Variants in TRIOBP observed in about 807,000 individuals in gnomAD.
TRIOBP encodes TRIO and F-actin-binding protein.
TRIOBP carries 169 observed loss-of-function variants against 238.8 expected under a neutral mutation model. The ratio of observed to expected loss-of-function variants is 0.71; its 90% CI spans 0.62 to 0.80. TRIOBP has a LOEUF of 0.80. Ranked by LOEUF, TRIOBP falls within the 30% of genes least tolerant of loss-of-function variation. The probability of loss-of-function intolerance (pLI) is 0.00; values close to 1 mark genes in which losing one functional copy is unlikely to be tolerated. For synonymous variants in TRIOBP, 1,150 were observed against 1,274.4 expected, an observed-to-expected ratio of 0.90 and a Z score of 2.08; for missense variants, 2,838 against 3,122.6, an observed-to-expected ratio of 0.91 and a Z score of 2.17.
At chr22:37,732,391 A>G (rs1274616691) in intron 7 of TRIOBP, among the ~76,000 whole-genome samples, 1 of 151,502 alleles carries the variant, frequency 6.6e-6, no homozygotes, top group Non-Finnish European at 1.5e-5. Flanking sequence ...CATGCCTGTA[A>G]TCCCAGCTAC....
In TRIOBP at chr22:37,774,273, T is replaced by G. The variant is rs887862474; in HGVS notation, c.*493T>G. On this transcript the variant is annotated 3_prime_UTR_variant, in exon 24 of 24. Transcript: ENST00000644935. ...CCCAGGCAGCAGCCATGGCGGGGTG[T>G]CTCTACAGGGGAGAGGCGGGAGCCT... is the stretch of plus-strand genomic sequence containing the variant. 6.6e-6 allele frequency: 1 copy of G among 152,240 alleles called. No homozygotes were observed. Among genetic ancestry groups the G allele is most frequent in the African/African-American group, 2.4e-5 (1 of 41,362 alleles). The allele number at this position is 152,240 out of a possible 1,614,324, so 9.4% of individuals were successfully genotyped here.
In TRIOBP at chr22:37,771,795, C is replaced by T. The variant is rs750968316; in HGVS notation, c.6936+59C>T. On this transcript the variant is annotated intron_variant, in intron 22 of 23. Transcript: ENST00000644935. ...GACTCTGGAGCCATCTGGATGCCATCCTGTGAGCACCTGCTCTGTGCCAAG... is the reference window on the plus strand; with the variant it reads ...GACTCTGGAGCCATCTGGATGCCATTCTGTGAGCACCTGCTCTGTGCCAAG... 4.7e-5 allele frequency: 68 copies of T among 1,445,646 alleles called. No homozygotes were observed. The African/African-American group carries it at 8.1e-4, about 17-fold the overall frequency. 89.6% of individuals were successfully genotyped at this position (1,445,646 alleles called of 1,614,324 possible). A position where few individuals can be genotyped will look rare whatever the true frequency, so the allele number is the denominator to read the frequency against.
chr22:37,715,821 T>G lies in TRIOBP; in HGVS notation c.515T>G (p.Val172Gly). The G allele has an allele frequency of 6.2e-7, 1 of 1,613,924 alleles. No individual in the cohort carries two copies. The highest frequency in any genetic ancestry group is 8.5e-7 in the Non-Finnish European group (1 of 1,179,954). The change falls in exon 6 of 24, where the codon GTG becomes GGG. Residue 172 changes from valine (V) to glycine (G), a missense_variant. Physicochemically the swap from Val to Gly is moderately radical, Grantham distance 109. Around this residue, in one of 5 missense-constraint regions of TRIOBP, gnomAD observed 535 missense variants for 537.3 expected, o/e 1.00. Coordinates refer to ENST00000644935, the MANE Select transcript of TRIOBP (RefSeq NM_001039141.3). ...EEAPSWDELA[V>G]MIPRRPREGP... The stretch of plus-strand genomic sequence containing the variant: ...GCCCCCAGCTGGGACGAGCTCGCAG[T>G]GATGATCCCGAGGAGGCCTCGGGAG...
intron 11 of TRIOBP, chr22:37,746,524 C>T (rs978643297): frequency 1.9e-6 from 2 of 1,053,214 alleles, no homozygotes; most frequent in Non-Finnish European, 2.4e-6. Flanking sequence ...CCTCATTTCC[C>T]GAAGGCGAGA....
intron 5 of TRIOBP, among the ~76,000 whole-genome samples, chr22:37,714,865 A>T (rs183450332): frequency 2.5e-3 from 374 of 151,950 alleles, no homozygotes; most frequent in Non-Finnish European, 4.2e-3. Context: ...TTAATTTTGT[A>T]GAGACAGGGT....
chr22:37,738,835 C>A, intron 10 of TRIOBP, 116 bp downstream of exon 10: 1 of 1,092,078 alleles, frequency 9.2e-7, no homozygotes, highest in Non-Finnish European at 1.4e-6. Flanking sequence ...GTTGGCATTG[C>A]CATGGGGTCA....
intron 17 of TRIOBP, chr22:37,759,587 G>T: frequency 6.3e-7 from 1 of 1,580,804 alleles, no homozygotes; most frequent in Non-Finnish European, 8.5e-7. Flanking sequence ...CTCTGCACTT[G>T]GACCCTTGCC....
intron 22 of TRIOBP, 89 bp from the exon 23 acceptor site, chr22:37,772,512 A>G: frequency 6.3e-7 from 1 of 1,580,906 alleles, no homozygotes; most frequent in East Asian, 2.2e-5. Flanking sequence ...ATCTGCGGGG[A>G]GGTCTGGCTG....
At chr22:37,758,237 TG>T (rs1569058554) in intron 16 of TRIOBP, 99 bp downstream of exon 16, 1 of 1,469,864 alleles carries the variant, frequency 6.8e-7, no homozygotes, top group East Asian at 2.4e-5. Context: ...CCTACAGTGA[TG>T]GGGAGCTCAC....
Position 37,723,495 on chromosome 22 carries a change from A to C in TRIOBP, c.939A>C (p.Ser313=), listed in dbSNP as rs1923941313. The C allele has an allele frequency of 3.1e-6, 5 of 1,613,240 alleles. No homozygotes were observed. In the South Asian group the frequency reaches 5.5e-5, roughly 18 times the overall value. ...SSTQQETSRA[S]STQEDTPRAS... is the part of the protein sequence containing the mutation. Reference sequence around the variant, plus strand: ...CCCAACAGGAAACCTCCAGGGCCTCATCCACCCAAGAGGACACCCCTAGGG... The same window carrying C: ...CCCAACAGGAAACCTCCAGGGCCTCCTCCACCCAAGAGGACACCCCTAGGG... Residue 313 remains serine, a synonymous_variant, in exon 7 of 24, where the codon TCA becomes TCC. Transcript: ENST00000644935.
Position 37,757,829 on chromosome 22 carries a change from C to A in TRIOBP, c.5904C>A (p.Arg1968=), listed in dbSNP as rs767627245. 2 of 1,549,854 alleles carry A rather than the reference C, an allele frequency of 1.3e-6. No individual in the cohort carries two copies. The highest frequency in any genetic ancestry group is 1.7e-6 in the Non-Finnish European group (2 of 1,146,508). ...RARTPARTPD[R]LAKQEELERD... ...GCACCCCAGCCCGCACTCCTGACCGCCTGGCCAAGCAGGAGGAGCTGGAGC... is the reference window on the plus strand; with the variant it reads ...GCACCCCAGCCCGCACTCCTGACCGACTGGCCAAGCAGGAGGAGCTGGAGC... The change falls in exon 16 of 24, where the codon CGC becomes CGA. Residue 1968 remains arginine (R), a synonymous_variant. Coordinates refer to ENST00000644935, the MANE Select transcript of TRIOBP (RefSeq NM_001039141.3).
chr22:37,720,236 C>T (rs1051587879), intron 6 of TRIOBP, among the ~76,000 whole-genome samples: 3 of 151,724 alleles, frequency 2.0e-5, no homozygotes, highest in Admixed American at 6.6e-5. Flanking sequence ...CTCGAACTCC[C>T]GACCTCAGGT....
chr22:37,747,453 G>C (rs2145857077), intron 11 of TRIOBP, among the ~76,000 whole-genome samples: 1 of 152,248 alleles, frequency 6.6e-6, no homozygotes, highest in South Asian at 2.1e-4. Context: ...CGGAGGAGTG[G>C]GTGGGCTGCT....
intron 4 of TRIOBP, among the ~76,000 whole-genome samples, chr22:37,711,938 A>G (rs1051816446): frequency 5.9e-5 from 9 of 152,124 alleles, no homozygotes; most frequent in Admixed American, 2.0e-4. Context: ...CTCCCTCAGC[A>G]TCTGGGCTAG....
intron 14 of TRIOBP, 81 bp from the exon 15 acceptor site, chr22:37,755,469 G>T: frequency 1.5e-6 from 2 of 1,328,630 alleles, no homozygotes; most frequent in South Asian, 2.4e-5. Context: ...GGAAGGAAGG[G>T]CCACCCTCCC....
intron 2 of TRIOBP, among the ~76,000 whole-genome samples, chr22:37,699,367 G>A (rs918400813): frequency 5.3e-5 from 8 of 151,876 alleles, no homozygotes; most frequent in East Asian, 1.9e-4. Context: ...TTCCACCTCC[G>A]AGAGAGCAGG....
Position 37,757,955 on chromosome 22 carries a change from G to C in TRIOBP, c.6030G>C (p.Leu2010=), listed in dbSNP as rs1472822459. ...VPAGEGPRRG[L]GAPLTEDQQN... ...CTGGTGAGGGGCCGCGCCGGGGCCT[G>C]GGTGCCCCCCTGACTGAGGACCAGC... The change falls in exon 16 of 24, where the codon CTG becomes CTC. Residue 2010 remains leucine, a synonymous_variant. Transcript: ENST00000644935. 1 of 1,567,502 alleles carries C rather than the reference G, an allele frequency of 6.4e-7. No homozygotes were observed. The highest frequency in any genetic ancestry group is 1.9e-5 in the Admixed American group (1 of 52,510).
chr22:37,729,290 A>C (rs1416818197), intron 7 of TRIOBP, among the ~76,000 whole-genome samples: 2 of 151,288 alleles, frequency 1.3e-5, no homozygotes, highest in Non-Finnish European at 2.9e-5. Context: ...ATCATGGCTC[A>C]CTGCGGCCTC....
intron 17 of TRIOBP, among the ~76,000 whole-genome samples, chr22:37,762,123 T>C (rs990781787): frequency 1.3e-5 from 2 of 152,148 alleles, no homozygotes; most frequent in Non-Finnish European, 1.5e-5. Context: ...CAGGCTACAG[T>C]GCAGTGGCAC....
Sources: gnomAD v4.1 joint callset for allele counts (sites outside exome capture counted in the v4.1 genomes callset) on GRCh38, gnomAD v4.1.1 for gene constraint, gnomAD v4.1.1 regional missense constraint, MANE v1.5 for transcripts, NCBI Gene and HGNC (gene_info 2026-07-23, HGNC 2026-07-21) for gene names.